The following C11orf65 variants were observed in gnomAD, a reference collection of about 807,000 sequenced individuals.
C11orf65 encodes the protein chromosome 11 open reading frame 65.
In C11orf65, 38 loss-of-function variants were observed where a neutral mutation model predicts 35.3. The observed-to-expected ratio is 1.08, with a 90% CI of 0.83 to 1.41. The LOEUF (loss-of-function observed/expected upper bound fraction) is 1.41, where lower values mean the gene tolerates loss of function less well. Among genes scored for constraint, C11orf65 ranks in the 40% most tolerant of loss-of-function variants. The pLI, the probability that C11orf65 is intolerant of heterozygous loss-of-function variation, is 0.00. For missense variants in C11orf65, 370 were observed against 367.1 expected (o/e 1.01, Z -0.06); for synonymous variants, 105 against 114.4 (o/e 0.92, Z 0.53).
chr11:108,309,075 G>T, intron 6 of C11orf65: 2 of 1,451,738 alleles, frequency 1.4e-6, no homozygotes, highest in Non-Finnish European at 1.9e-6. Context: ...AATATTCCTG[G>T]AGAAAGTATG....
At chr11:108,466,737 T>G (rs1439095706) in intron 1 of C11orf65, among the ~76,000 whole-genome samples, 2 of 152,262 alleles carry the variant, frequency 1.3e-5, no homozygotes, top group Non-Finnish European at 2.9e-5. Flanking sequence ...TCATAATAGA[T>G]GATGTTTTCA....
chr11:108,314,860 T>G (rs528354372), intron 6 of C11orf65, among the ~76,000 whole-genome samples: 7 of 152,230 alleles, frequency 4.6e-5, no homozygotes, highest in Non-Finnish European at 1.0e-4. Flanking sequence ...AGAACTGTAC[T>G]GTGTTTATCA....
intron 2 of C11orf65, among the ~76,000 whole-genome samples, chr11:108,446,755 A>G (rs2093267721): frequency 6.6e-6 from 1 of 152,202 alleles, no homozygotes; most frequent in South Asian, 2.1e-4. Flanking sequence ...TAACATCATA[A>G]TGACAGGACC....
chr11:108,375,424 C>T (rs965740140), intron 2 of C11orf65, among the ~76,000 whole-genome samples: 1 of 150,404 alleles, frequency 6.6e-6, no homozygotes, highest in East Asian at 2.0e-4. Context: ...ACTTTACAGA[C>T]AAGCAAATGC....
chr11:108,334,948 T>G lies in C11orf65; in HGVS notation c.299+272A>C. Reference sequence around the variant, plus strand: ...AATAGTGTATCTGACCTATTATCAATCATGTTTATACTTTTATTAGGTGGA... The same window carrying G: ...AATAGTGTATCTGACCTATTATCAAGCATGTTTATACTTTTATTAGGTGGA... On this transcript the variant is annotated intron_variant, in intron 3 of 3. Coordinates refer to the C11orf65 transcript ENST00000524755. 1 of 1,606,502 alleles carries G rather than the reference T, an allele frequency of 6.2e-7. No individual in the cohort carries two copies. The highest frequency in any genetic ancestry group is 8.5e-7 in the Non-Finnish European group (1 of 1,173,112).
downstream of C11orf65, among the ~76,000 whole-genome samples, chr11:108,378,026 G>C (rs1045700168): frequency 6.7e-6 from 1 of 150,234 alleles, no homozygotes; most frequent in Non-Finnish European, 1.5e-5. Flanking sequence ...TGGATAGGAA[G>C]AATCAATATC....
At chr11:108,343,590 G>C (rs910162168) in intron 2 of C11orf65, among the ~76,000 whole-genome samples, 12 of 152,290 alleles carry the variant, frequency 7.9e-5, no homozygotes, top group Middle Eastern at 3.4e-3. Flanking sequence ...GATAAGAAAT[G>C]TAAAGGTTAT....
At chr11:108,445,934 T>C (rs1036349770) in intron 2 of C11orf65, among the ~76,000 whole-genome samples, 8 of 151,906 alleles carry the variant, frequency 5.3e-5, no homozygotes, top group Admixed American at 3.9e-4. Context: ...TTAAAGGAGC[T>C]GATGGAGCTG....
chr11:108,345,657 T>G (rs566475880), intron 2 of C11orf65: 3 of 1,126,356 alleles, frequency 2.7e-6, no homozygotes, highest in Non-Finnish European at 3.7e-6. Flanking sequence ...TGCCCCTATA[T>G]CTGTCATATT....
Position 108,357,082 on chromosome 11 carries a change from G to A in C11orf65, c.227-21790C>T, listed in dbSNP as rs574240224. ...CCAGACAGTGGGCGCAGGTCAGTGGGTGCACGCACTGTGCGCGAACTGAAG... is the reference window on the plus strand; with the variant it reads ...CCAGACAGTGGGCGCAGGTCAGTGGATGCACGCACTGTGCGCGAACTGAAG... On this transcript the variant is annotated intron_variant, in intron 2 of 3. Coordinates refer to the C11orf65 transcript ENST00000524755. 3.4e-4 allele frequency among the ~76,000 whole-genome samples: 52 copies of A among 152,346 alleles called. 2 individuals carry two copies. In the South Asian group the frequency reaches 0.011, roughly 31 times the overall value.
At chr11:108,444,765 T>C (rs1015994519) in intron 2 of C11orf65, among the ~76,000 whole-genome samples, 1 of 152,046 alleles carries the variant, frequency 6.6e-6, no homozygotes, top group South Asian at 2.1e-4. Context: ...TGTAGGACAC[T>C]GGGTACAGCG....
intron 3 of C11orf65, among the ~76,000 whole-genome samples, chr11:108,412,449 A>C (rs998320638): frequency 1.3e-5 from 2 of 152,238 alleles, no homozygotes; most frequent in Non-Finnish European, 2.9e-5. Flanking sequence ...AGAGCGGATA[A>C]AAAATCAAGA....
At chr11:108,312,247 T>C (rs1332418822) in intron 6 of C11orf65, among the ~76,000 whole-genome samples, 1 of 152,204 alleles carries the variant, frequency 6.6e-6, no homozygotes, top group Non-Finnish European at 1.5e-5. Context: ...CAAATTCCTT[T>C]TCCATCCTAG....
At position 108,321,341 on chromosome 11, in the gene C11orf65, T is replaced by C; in HGVS notation, c.641-12270A>G. On this transcript the variant is annotated intron_variant, in intron 6 of 6. Transcript: ENST00000525729. ...AGAGATGTGTAAGCGCAGCCTTGAG[T>C]CTGTGTATTCGCTCTATCCCACACT... The C allele has an allele frequency of 6.2e-7, 1 of 1,614,100 alleles. No homozygotes were observed. Among genetic ancestry groups the C allele is most frequent in the Non-Finnish European group, 8.5e-7 (1 of 1,179,986 alleles).
At chr11:108,343,715 G>A (rs1196749617) in intron 2 of C11orf65, among the ~76,000 whole-genome samples, 1 of 152,178 alleles carries the variant, frequency 6.6e-6, no homozygotes, top group Non-Finnish European at 1.5e-5. Context: ...GAGAGGCTGA[G>A]TCTGGGGGAT....
chr11:108,319,590 T>C (rs529392563), intron 6 of C11orf65, among the ~76,000 whole-genome samples: 11 of 152,226 alleles, frequency 7.2e-5, no homozygotes, highest in African/African-American at 2.7e-4. Flanking sequence ...CCAATACTTA[T>C]TTATTGTCTG....
chr11:108,409,665 G>C (rs1167133962), intron 3 of C11orf65, among the ~76,000 whole-genome samples: 1 of 151,968 alleles, frequency 6.6e-6, no homozygotes, highest in East Asian at 1.9e-4. Context: ...CCATGGACTG[G>C]TACCAGTCCA....
intron 1 of C11orf65, among the ~76,000 whole-genome samples, chr11:108,466,394 T>C (rs2093538461): frequency 1.3e-5 from 2 of 151,994 alleles, no homozygotes; most frequent in African/African-American, 2.4e-5. Context: ...GCCAATATGG[T>C]GAAACCCTGT....
intron 6 of C11orf65, among the ~76,000 whole-genome samples, chr11:108,397,718 T>C (rs2092350178): frequency 6.6e-6 from 1 of 152,182 alleles, no homozygotes; most frequent in Non-Finnish European, 1.5e-5. Context: ...AAGTAAAATT[T>C]CTCATTCACC....
Sources: gnomAD v4.1 joint callset for allele counts (sites outside exome capture counted in the v4.1 genomes callset) on GRCh38, gnomAD v4.1.1 for gene constraint, MANE v1.5 for transcripts, NCBI Gene and HGNC (gene_info 2026-07-23, HGNC 2026-07-21) for gene names.